UQCRH: variants seen among roughly 807,000 people sequenced by gnomAD.
UQCRH encodes the protein cytochrome b-c1 complex subunit 6, mitochondrial.
Under a neutral mutation model 16.3 loss-of-function variants are expected in UQCRH, and 14 were observed. That is an observed-to-expected ratio of 0.86 (90% CI 0.57 to 1.34). The LOEUF is 1.34. Among genes scored for constraint, UQCRH ranks in the 40% most tolerant of loss-of-function variants. The probability of loss-of-function intolerance (pLI) is 0.00; values close to 1 mark genes in which losing one functional copy is unlikely to be tolerated. For synonymous variants in UQCRH, 41 were observed against 41.9 expected (o/e 0.98, Z 0.08); for missense variants, 89 against 111.9 (o/e 0.80, Z 0.92).
At chr1:46,305,216 T>C (rs1661345209) in intron 1 of UQCRH, among the ~76,000 whole-genome samples, 2 of 146,116 alleles carry the variant, frequency 1.4e-5, no homozygotes, top group Non-Finnish European at 3.0e-5. Flanking sequence ...CTCGGGAGTT[T>C]GAGCCCAGGA....
chr1:46,304,206 A>G (rs1224402234), intron 1 of UQCRH, among the ~76,000 whole-genome samples: 1 of 152,106 alleles, frequency 6.6e-6, no homozygotes, highest in Non-Finnish European at 1.5e-5. Flanking sequence ...CACATCTTCT[A>G]TGGAGGTTCG....
chr1:46,304,387 AT>A (rs10581963), intron 1 of UQCRH, among the ~76,000 whole-genome samples: 38,216 of 141,532 alleles, frequency 0.27, 5,200 homozygotes, highest in African/African-American at 0.42. Flanking sequence ...GCACTAATTA[AT>A]TTTTTTTTTT....
At chr1:46,304,300 A>G (rs1447450289) in intron 1 of UQCRH, among the ~76,000 whole-genome samples, 3 of 152,164 alleles carry the variant, frequency 2.0e-5, no homozygotes, top group African/African-American at 7.2e-5. Flanking sequence ...TGATTCTGTG[A>G]TGGAAGAGGG....
intron 1 of UQCRH, among the ~76,000 whole-genome samples, chr1:46,305,699 C>T (rs964015738): frequency 1.8e-4 from 28 of 151,966 alleles, no homozygotes; most frequent in Admixed American, 1.7e-3. Context: ...TGCAGTGAGC[C>T]AAGGTCGCGC....
chr1:46,316,550 A>G lies in UQCRH; in HGVS notation c.244-2A>G. ...TTACCTCCTTTTCTTTCCCCCATCT[A>G]GGTGGCCCACAAACTCTTTAACAAC... On this transcript the variant is annotated splice_acceptor_variant, in intron 3 of 3. Coordinates refer to ENST00000311672, the MANE Select transcript of UQCRH (RefSeq NM_006004.4). LOFTEE classifies it high-confidence loss of function. 1 of 1,613,548 alleles carries G rather than the reference A, an allele frequency of 6.2e-7. No homozygotes were observed.
chr1:46,305,570 T>C (rs376466644), intron 1 of UQCRH, among the ~76,000 whole-genome samples: 7 of 150,824 alleles, frequency 4.6e-5, no homozygotes, highest in Non-Finnish European at 1.0e-4. Context: ...CTGGCTAACA[T>C]GGTGAAACCC....
Position 46,310,306 on chromosome 1 carries a change from G to C in UQCRH, c.233G>C (p.Arg78Thr), listed in dbSNP as rs1314119896. 1 of 1,613,996 alleles carries C rather than the reference G, an allele frequency of 6.2e-7. No individual in the cohort carries two copies. The highest frequency in any genetic ancestry group is 2.2e-5 in the East Asian group (1 of 44,896). The change falls in exon 3 of 4, where the codon AGG becomes ACG. Residue 78 changes from arginine (R) to threonine (T), a missense_variant. Transcript: ENST00000311672. ...GAGCTCTTTGACTTCTTGCATGCGA[G>C]GGACCATTGCGTAAGTCAGTGGGAA... ...TEELFDFLHA[R>T]DHCVAHKLFN...
chr1:46,314,999 T>C (rs576048725), intron 3 of UQCRH, among the ~76,000 whole-genome samples: 1 of 152,202 alleles, frequency 6.6e-6, no homozygotes, highest in East Asian at 1.9e-4. Context: ...GCCACAGAAA[T>C]GTACAGTTAA....
chr1:46,306,269 T>C (rs1057487386), intron 1 of UQCRH, among the ~76,000 whole-genome samples: 8 of 152,226 alleles, frequency 5.3e-5, no homozygotes, highest in Non-Finnish European at 2.9e-5. Flanking sequence ...TTACCAGTGT[T>C]GTAGCATTGC....
At chr1:46,315,479 A>G (rs1208435867) in intron 3 of UQCRH, among the ~76,000 whole-genome samples, 1 of 151,684 alleles carries the variant, frequency 6.6e-6, no homozygotes, top group African/African-American at 2.4e-5. Context: ...TTGTAATCCC[A>G]GCTACTCAGG....
intron 1 of UQCRH, among the ~76,000 whole-genome samples, chr1:46,305,172 CG>C (rs1661344096): frequency 6.6e-6 from 1 of 151,540 alleles, no homozygotes. Context: ...AAAAATTAGC[CG>C]GGCATGGTGG....
At chr1:46,307,283 G>A (rs969312275) in intron 1 of UQCRH, among the ~76,000 whole-genome samples, 1 of 152,188 alleles carries the variant, frequency 6.6e-6, no homozygotes, top group Non-Finnish European at 1.5e-5. Flanking sequence ...GACCTCAGGT[G>A]ATCTGGCCAC....
At position 46,310,208 on chromosome 1, in the gene UQCRH, G is replaced by A. The variant is rs772506078; in HGVS notation, c.135G>A (p.Lys45=). 3 of 1,614,090 alleles carry A rather than the reference G, an allele frequency of 1.9e-6. No individual in the cohort carries two copies. The highest frequency in any genetic ancestry group is 2.7e-5 in the African/African-American group (2 of 74,916). The change falls in exon 3 of 4, where the codon AAG becomes AAA. Residue 45 remains lysine, a synonymous_variant. Coordinates refer to ENST00000311672, the MANE Select transcript of UQCRH (RefSeq NM_006004.4). ...EQCEQLEKCV[K]ARERLELCDE... ...GCGAGCAGTTGGAGAAATGTGTAAA[G>A]GCCCGGGAGCGGCTAGAGCTCTGTG...
intron 3 of UQCRH, among the ~76,000 whole-genome samples, chr1:46,311,287 C>A (rs374386950): frequency 6.7e-6 from 1 of 150,224 alleles, no homozygotes; most frequent in Admixed American, 6.7e-5. Flanking sequence ...ATTGGCCGGG[C>A]GCGGTGGCTC....
rs544962011 is a variant in UQCRH, at chr1:46,311,928, C to CT, written c.243+1627dup. Among the ~76,000 whole-genome samples, 887 of 130,662 alleles carry CT rather than the reference C, an allele frequency of 6.8e-3. 9 individuals are homozygous for CT. Among genetic ancestry groups the CT allele is most frequent in the South Asian group, 0.035 (140 of 4,006 alleles). The allele number at this position is 130,662 out of a possible 152,430, so 85.7% of individuals were successfully genotyped here. On this transcript the variant is annotated intron_variant, in intron 3 of 3. Transcript: ENST00000311672. ...ACAGGTGTGAACCACTGCACCCAGC[C>CT]TTTTTTTTTTTTTTTGAGATAAGGT...
chr1:46,311,924 C>T (rs139989067), intron 3 of UQCRH, among the ~76,000 whole-genome samples: 3,926 of 146,670 alleles, frequency 0.027, 189 homozygotes, highest in African/African-American at 0.092. Context: ...CCACTGCACC[C>T]AGCCTTTTTT....
intron 3 of UQCRH, among the ~76,000 whole-genome samples, chr1:46,315,837 A>G (rs1467946415): frequency 6.6e-6 from 1 of 152,146 alleles, no homozygotes; most frequent in Non-Finnish European, 1.5e-5. Context: ...CCCTGAATTA[A>G]CATCCCTACT....
rs569258407 is a variant in UQCRH, at chr1:46,312,109, A to T, written c.243+1793A>T. Among the ~76,000 whole-genome samples the T allele has an allele frequency of 7.7e-3, 1,045 of 136,588 alleles. 18 individuals are homozygous for T. The highest frequency in any genetic ancestry group is 0.028 in the African/African-American group (985 of 35,732). 89.6% of individuals were successfully genotyped at this position (136,588 alleles called of 152,430 possible). A position where few individuals can be genotyped will look rare whatever the true frequency, so the allele number is the denominator to read the frequency against. ...TGCCTTGGTAATTTTTTTTTTTTTT[A>T]ATTTGAGACTGAGTTGCACTCTGTC... On this transcript the variant is annotated intron_variant, in intron 3 of 3. Coordinates refer to ENST00000311672, the MANE Select transcript of UQCRH (RefSeq NM_006004.4).
rs780579191 is a variant in UQCRH, at chr1:46,310,350, T to C, written c.243+34T>C. ...GTGGGAAGTCAGGAAGGGGAAAGGT[T>C]GCAATGGTCAGGGAAGACTTGGTGC... On this transcript the variant is annotated intron_variant, in intron 3 of 3. Transcript: ENST00000311672. 3.1e-6 allele frequency: 5 copies of C among 1,613,584 alleles called. No homozygotes were observed. In the Admixed American group the frequency reaches 8.3e-5, roughly 27 times the overall value.
Sources: allele counts gnomAD v4.1 joint callset (sites outside exome capture counted in the v4.1 genomes callset), GRCh38; gene constraint gnomAD v4.1.1; transcripts MANE v1.5; gene names NCBI Gene and HGNC (gene_info 2026-07-23, HGNC 2026-07-21).